Variants in TENM1 observed in about 807,000 individuals in gnomAD.
TENM1 encodes the protein teneurin-1.
In TENM1, 35 loss-of-function variants were observed where a neutral mutation model predicts 174.8. The observed-to-expected ratio is 0.20, with a 90% CI of 0.15 to 0.27. TENM1 has a LOEUF of 0.27. Ranked by LOEUF, TENM1 falls within the 10% of genes least tolerant of loss-of-function variation. The pLI is 1.00. For synonymous variants in TENM1, 781 were observed against 798.7 expected (o/e 0.98, Z 0.37); for missense variants, 1,633 against 2,130.1 (o/e 0.77, Z 4.59).
chrX:124,512,650 C>T (rs1313841998), intron 18 of TENM1, among the ~76,000 whole-genome samples: 1 of 106,994 alleles, frequency 9.3e-6, no homozygotes, highest in Non-Finnish European at 1.9e-5. Context: ...ATTATCCCTT[C>T]AGTTGCAAAG....
the TENM1 span, among the ~76,000 whole-genome samples, chrX:125,001,852 T>TACACACACAC: frequency 1.3e-4 from 11 of 84,926 alleles, no homozygotes; most frequent in East Asian, 3.8e-4. Context: ...TATAGATAGA[T>TACACACACAC]ACACACACAC....
At chrX:125,179,827 G>A in the TENM1 span, among the ~76,000 whole-genome samples, 2 of 108,440 alleles carry the variant, frequency 1.8e-5, no homozygotes, top group African/African-American at 6.7e-5. Context: ...GCATACTCAA[G>A]TTTGAGAATC....
chrX:125,138,756 T>C, the TENM1 span, among the ~76,000 whole-genome samples: 1 of 110,900 alleles, frequency 9.0e-6, no homozygotes. Context: ...GTATGCTCAT[T>C]GTATGAAAAA....
intron 3 of TENM1, among the ~76,000 whole-genome samples, chrX:124,743,561 T>C (rs1237769566): frequency 8.9e-6 from 1 of 111,862 alleles, no homozygotes; most frequent in East Asian, 2.8e-4. Flanking sequence ...AATTACAATG[T>C]TTTCTAGTTT....
At chrX:125,194,099 A>G in the TENM1 span, among the ~76,000 whole-genome samples, 2 of 111,193 alleles carry the variant, frequency 1.8e-5, no homozygotes. Context: ...TGTAATTTCC[A>G]TCTGGCACAA....
At chrX:124,720,437 C>A (rs188517328) in intron 4 of TENM1, among the ~76,000 whole-genome samples, 1 of 111,732 alleles carries the variant, frequency 8.9e-6, no homozygotes, top group East Asian at 2.8e-4. Context: ...GGAAGCTCCC[C>A]ACCTTGAGTT....
the TENM1 span, among the ~76,000 whole-genome samples, chrX:124,974,382 C>G: frequency 9.0e-6 from 1 of 111,641 alleles, no homozygotes; most frequent in African/African-American, 3.3e-5. Flanking sequence ...TCTACCTGTT[C>G]TATTAACATT....
At chrX:124,880,248 C>T in intron 3 of TENM1, among the ~76,000 whole-genome samples, 1 of 111,172 alleles carries the variant, frequency 9.0e-6, no homozygotes, top group Non-Finnish European at 1.9e-5. Context: ...TCTTTCAGTG[C>T]CTTGGTTCAA....
At chrX:124,586,224 C>G (rs1298068801) in intron 11 of TENM1, among the ~76,000 whole-genome samples, 1 of 110,897 alleles carries the variant, frequency 9.0e-6, no homozygotes, top group East Asian at 2.8e-4. Flanking sequence ...GCCGGGCAGA[C>G]ACACAACAGA....
chrX:124,421,179 G>T (rs1473200156), intron 24 of TENM1, among the ~76,000 whole-genome samples: 1 of 111,545 alleles, frequency 9.0e-6, no homozygotes, highest in Non-Finnish European at 1.9e-5. Context: ...ATGCTTTCAG[G>T]ATCTGTTTCA....
chrX:125,172,323 C>A, the TENM1 span, among the ~76,000 whole-genome samples: 1 of 104,789 alleles, frequency 9.5e-6, no homozygotes, highest in African/African-American at 3.8e-5. Context: ...TCAACCTCAC[C>A]CCCCCCCATT....
At chrX:125,016,689 T>A in the TENM1 span, among the ~76,000 whole-genome samples, 3 of 111,821 alleles carry the variant, frequency 2.7e-5, no homozygotes, top group African/African-American at 9.8e-5. Flanking sequence ...CCACTGATTT[T>A]CTTCACATAA....
At chrX:124,860,583 A>C (rs1413265610) in intron 3 of TENM1, among the ~76,000 whole-genome samples, 1 of 111,836 alleles carries the variant, frequency 8.9e-6, no homozygotes, top group Non-Finnish European at 1.9e-5. Flanking sequence ...CCAGTTTACT[A>C]CCAATGCAGT....
intron 3 of TENM1, among the ~76,000 whole-genome samples, chrX:124,816,888 A>T (rs2055907784): frequency 9.1e-6 from 1 of 110,470 alleles, no homozygotes; most frequent in Non-Finnish European, 1.9e-5. Context: ...TTCTTTTTTT[A>T]AAATTTAAAA....
At chrX:125,069,566 C>T in the TENM1 span, among the ~76,000 whole-genome samples, 6 of 110,170 alleles carry the variant, frequency 5.4e-5, no homozygotes, top group Non-Finnish European at 1.1e-4. Context: ...CATATGGACA[C>T]AAGGAGAGAA....
chrX:124,414,789 A>G (rs770893655), intron 25 of TENM1, among the ~76,000 whole-genome samples: 7 of 111,600 alleles, frequency 6.3e-5, no homozygotes, highest in South Asian at 3.8e-4. Context: ...TCCTCCTGAT[A>G]GCTGCAGATA....
Position 124,755,857 on chromosome X carries a change from T to C in TENM1, c.536-18660A>G, listed in dbSNP as rs375526114. ...CTTGTAGAGTTTCTGCCGAGAGATC[T>C]GCTGTTAGTCTGATGGGCTTCCCTT... On this transcript the variant is annotated intron_variant, in intron 3 of 31. Transcript: ENST00000422452. 2.3e-3 allele frequency among the ~76,000 whole-genome samples: 246 copies of C among 108,048 alleles called. 1 individual carries two copies. Among genetic ancestry groups the C allele is most frequent in the African/African-American group, 8.2e-3 (231 of 28,289 alleles). 93.8% of individuals were successfully genotyped at this position (108,048 alleles called of 115,157 possible).
chrX:124,451,393 A>T (rs1021062122), intron 23 of TENM1, among the ~76,000 whole-genome samples: 2 of 112,153 alleles, frequency 1.8e-5, no homozygotes, highest in Non-Finnish European at 3.8e-5. Flanking sequence ...AGCTATTTAT[A>T]TACATGTGAA....
chrX:124,880,189 T>A (rs1362717984), intron 3 of TENM1, among the ~76,000 whole-genome samples: 1 of 112,125 alleles, frequency 8.9e-6, no homozygotes, highest in African/African-American at 3.2e-5. Flanking sequence ...CCTGTTTGTG[T>A]CCTCTTCAAT....
Sources: gnomAD v4.1 joint callset for allele counts (sites outside exome capture counted in the v4.1 genomes callset) on GRCh38, gnomAD v4.1.1 for gene constraint, MANE v1.5 for transcripts, NCBI Gene and HGNC (gene_info 2026-07-23, HGNC 2026-07-21) for gene names.